Variants in PRIM2 observed in about 807,000 individuals in gnomAD.
The protein encoded by PRIM2 is DNA primase large subunit.
In PRIM2, 39 loss-of-function variants were observed where a neutral mutation model predicts 67.3. That is an observed-to-expected ratio of 0.58 (90% CI 0.45 to 0.76). The LOEUF (loss-of-function observed/expected upper bound fraction) is 0.76. PRIM2 is among the 30% of genes least tolerant of loss of function. The pLI is 0.00. For synonymous variants in PRIM2, 143 were observed against 198.7 expected (o/e 0.72, Z 2.36); for missense variants, 398 against 598.7 (o/e 0.66, Z 3.50).
At chr6:57,432,243 A>T (rs187917857) in intron 7 of PRIM2, among the ~76,000 whole-genome samples, 1 of 152,180 alleles carries the variant, frequency 6.6e-6, no homozygotes, top group Non-Finnish European at 1.5e-5. Context: ...GGTAAGTTAT[A>T]TAATTACTTT....
At chr6:57,557,577 T>G (rs1775539653) in intron 10 of PRIM2, among the ~76,000 whole-genome samples, 1 of 151,872 alleles carries the variant, frequency 6.6e-6, no homozygotes, top group Non-Finnish European at 1.5e-5. Flanking sequence ...TGAGAACTCA[T>G]GAGCATAGAG....
At chr6:57,463,329 C>T (rs1011938204) in intron 7 of PRIM2, among the ~76,000 whole-genome samples, 1 of 152,020 alleles carries the variant, frequency 6.6e-6, no homozygotes, top group South Asian at 2.1e-4. Context: ...CCCGTCTCTA[C>T]AAAAAATAAA....
In PRIM2 at chr6:57,632,321, G is replaced by A. The variant is rs1777048334; in HGVS notation, c.1299+120G>A. ...GCTATTTTCAGCAGAAAAGGGGATT[G>A]CATGGTATTAAGTAACTTACAGCAT... is the stretch of plus-strand genomic sequence containing the variant. On this transcript the variant is annotated intron_variant, in intron 13 of 13. Transcript: ENST00000615550. The A allele has an allele frequency of 1.6e-5, 7 of 426,344 alleles. No homozygotes were observed. In the South Asian group the frequency reaches 3.2e-4, roughly 20 times the overall value. The allele number at this position is 426,344 out of a possible 1,614,324, so 26.4% of individuals were successfully genotyped here.
At chr6:57,517,381 CTTG>C (rs1774507661) in intron 8 of PRIM2, among the ~76,000 whole-genome samples, 4 of 152,192 alleles carry the variant, frequency 2.6e-5, no homozygotes, top group Admixed American at 2.6e-4. Context: ...CAAAAAGCAA[CTTG>C]TTGAATGCTA....
chr6:57,629,421 G>C (rs2127498980), intron 12 of PRIM2, among the ~76,000 whole-genome samples: 1 of 152,292 alleles, frequency 6.6e-6, no homozygotes, highest in South Asian at 2.1e-4. Flanking sequence ...ATTTTCCCGA[G>C]TTTTAGAACT....
intron 7 of PRIM2, among the ~76,000 whole-genome samples, chr6:57,428,627 G>C (rs1248766797): frequency 6.6e-6 from 1 of 152,110 alleles, no homozygotes; most frequent in South Asian, 2.1e-4. Context: ...TTGTTCTTTT[G>C]ATGGGGAGTT....
the PRIM2 span, among the ~76,000 whole-genome samples, chr6:57,270,012 C>T: frequency 6.6e-6 from 1 of 152,082 alleles, no homozygotes; most frequent in Non-Finnish European, 1.5e-5. Context: ...GTACCAGTAC[C>T]ATGCTGTTTT....
the PRIM2 span, chr6:57,222,128 C>G: frequency 6.6e-6 from 1 of 152,234 alleles, no homozygotes; most frequent in Non-Finnish European, 1.5e-5. Context: ...GCTCTCCCTG[C>G]GGGGCCGAGC....
chr6:57,441,646 A>G (rs1772207313), intron 7 of PRIM2, among the ~76,000 whole-genome samples: 1 of 152,214 alleles, frequency 6.6e-6, no homozygotes, highest in South Asian at 2.1e-4. Context: ...AGATATTATG[A>G]CTGCCTCAAA....
At chr6:57,300,503 C>T in the PRIM2 span, among the ~76,000 whole-genome samples, 1 of 151,986 alleles carries the variant, frequency 6.6e-6, no homozygotes, top group South Asian at 2.1e-4. Flanking sequence ...ATCTGAAAAT[C>T]GGGTAGTGGA....
At chr6:57,497,572 C>T (rs1774032587) in intron 7 of PRIM2, 1 of 152,268 alleles carries the variant, frequency 6.6e-6, no homozygotes, top group African/African-American at 2.4e-5. Flanking sequence ...TAACTCTGCA[C>T]TGTTTAATAT....
chr6:57,446,433 T>TTTTTTTTTTTTTTTTA (rs1772369420), intron 7 of PRIM2, among the ~76,000 whole-genome samples: 1 of 143,322 alleles, frequency 7.0e-6, no homozygotes, highest in African/African-American at 2.6e-5. Flanking sequence ...TTTTTTTTTT[T>TTTTTTTTTTTTTTTTA]GAGACAGTCT....
intron 7 of PRIM2, among the ~76,000 whole-genome samples, chr6:57,466,829 C>T (rs1773208254): frequency 6.6e-6 from 1 of 152,048 alleles, no homozygotes; most frequent in Non-Finnish European, 1.5e-5. Flanking sequence ...TAATTAGATC[C>T]CATTTGTTGG....
chr6:57,573,940 A>G (rs1301888649), intron 10 of PRIM2, among the ~76,000 whole-genome samples: 268 of 152,090 alleles, frequency 1.8e-3, no homozygotes, highest in African/African-American at 6.2e-3. Flanking sequence ...GAAATAATCT[A>G]TTACTCAGAA....
intron 10 of PRIM2, among the ~76,000 whole-genome samples, chr6:57,600,770 C>T (rs1776448942): frequency 6.6e-6 from 1 of 152,122 alleles, no homozygotes; most frequent in African/African-American, 2.4e-5. Flanking sequence ...CTTCTATAAT[C>T]TTTGGAATCA....
chr6:57,443,395 A>G (rs933881352), intron 7 of PRIM2, among the ~76,000 whole-genome samples: 1 of 152,168 alleles, frequency 6.6e-6, no homozygotes, highest in African/African-American at 2.4e-5. Flanking sequence ...CTTTTACTCC[A>G]TGCCCTTGCC....
At chr6:57,274,232 C>A in the PRIM2 span, among the ~76,000 whole-genome samples, 1 of 151,820 alleles carries the variant, frequency 6.6e-6, no homozygotes, top group African/African-American at 2.4e-5. Flanking sequence ...AGAGGTGGAG[C>A]CTACAGAGGC....
chr6:57,282,108 C>T, the PRIM2 span, among the ~76,000 whole-genome samples: 1 of 152,138 alleles, frequency 6.6e-6, no homozygotes, highest in Non-Finnish European at 1.5e-5. Flanking sequence ...AATGTGACCT[C>T]GTCTTTCTCT....
intron 7 of PRIM2, among the ~76,000 whole-genome samples, chr6:57,392,239 G>A (rs1339027375): frequency 1.3e-5 from 2 of 152,106 alleles, no homozygotes; most frequent in Non-Finnish European, 2.9e-5. Context: ...TGGAACTGCT[G>A]AAGGTCTTTA....
Sources: gnomAD v4.1 joint callset for allele counts (sites outside exome capture counted in the v4.1 genomes callset) on GRCh38, gnomAD v4.1.1 for gene constraint, MANE v1.5 for transcripts, NCBI Gene and HGNC (gene_info 2026-07-23, HGNC 2026-07-21) for gene names.